SLC16A7: variants seen among roughly 807,000 people sequenced by gnomAD.
SLC16A7 encodes the protein solute carrier family 16 member 7.
In SLC16A7, 33 loss-of-function variants were observed where a neutral mutation model predicts 34.9. That is an observed-to-expected ratio of 0.94 (90% CI 0.72 to 1.26). The LOEUF is 1.26. Ranked by LOEUF, SLC16A7 falls within the 50% of genes most tolerant of loss-of-function variation. SLC16A7 has a pLI of 0.00. For missense variants in SLC16A7, 573 were observed against 578.1 expected (o/e 0.99, Z 0.09); for synonymous variants, 201 against 206.6 (o/e 0.97, Z 0.23).
chr12:59,756,425 C>T (rs1039206872), intron 3 of SLC16A7, among the ~76,000 whole-genome samples: 1 of 151,572 alleles, frequency 6.6e-6, no homozygotes, highest in African/African-American at 2.4e-5. Flanking sequence ...AAACAAACAA[C>T]CCCATCAAAA....
rs146693680 is a variant in SLC16A7, at chr12:59,692,469, G to T, written c.-30-12303G>T. On this transcript the variant is annotated intron_variant, in intron 2 of 5. Transcript: ENST00000547379. Reference sequence around the variant, plus strand: ...TGAAACCAGGTCAGCTGTGGAATTTGTCACTTGTGATGTCAAATAGGCACT... The same window carrying T: ...TGAAACCAGGTCAGCTGTGGAATTTTTCACTTGTGATGTCAAATAGGCACT... Among the ~76,000 whole-genome samples the T allele has an allele frequency of 1.4e-3, 208 of 152,062 alleles. 1 individual carries two copies. Among genetic ancestry groups the T allele is most frequent in the Middle Eastern group, 6.8e-3 (2 of 294 alleles).
rs751390723 is a variant in SLC16A7 at position 59,665,640 on chromosome 12, A to G, written c.-31+10390A>G. On this transcript the variant is annotated intron_variant, in intron 2 of 5. Transcript: ENST00000547379. ...GTCTTCACAGCTGGTGTCTAAAAAT[A>G]AAAATATTGTATACATTTACAGAGT... Among the ~76,000 whole-genome samples, 5 of 152,214 alleles carry G rather than the reference A, an allele frequency of 3.3e-5. No individual in the cohort carries two copies. The East Asian group carries it at 7.7e-4, about 23-fold the overall frequency.
intron 3 of SLC16A7, among the ~76,000 whole-genome samples, chr12:59,741,585 C>T (rs1423352113): frequency 6.6e-6 from 1 of 152,220 alleles, no homozygotes; most frequent in African/African-American, 2.4e-5. Flanking sequence ...CATGCTAATA[C>T]AGTCACCGTT....
chr12:59,653,666 A>G lies in SLC16A7; in HGVS notation c.-129-1486A>G, dbSNP rs553104341. On this transcript the variant is annotated intron_variant, in intron 1 of 5. Coordinates refer to ENST00000547379, the MANE Select transcript of SLC16A7 (RefSeq NM_001270623.2). Reference sequence around the variant, plus strand: ...TGTAAAATTCACAAGTTTTTGTGCAATTTTTACTAAATTACCATGTATATA... The same window carrying G: ...TGTAAAATTCACAAGTTTTTGTGCAGTTTTTACTAAATTACCATGTATATA... 3.3e-5 allele frequency among the ~76,000 whole-genome samples: 5 copies of G among 151,674 alleles called. No homozygotes were observed. The South Asian group carries it at 8.3e-4, about 25-fold the overall frequency.
intron 2 of SLC16A7, among the ~76,000 whole-genome samples, 188 bp downstream of exon 2, chr12:59,655,438 A>G (rs1314867484): frequency 1.3e-5 from 2 of 151,936 alleles, no homozygotes; most frequent in Non-Finnish European, 2.9e-5. Flanking sequence ...GATCCAATAT[A>G]CTGTGTGATC....
In SLC16A7 at chr12:59,676,637, C is replaced by G. The variant is rs11173112; in HGVS notation, c.-31+21387C>G. Among the ~76,000 whole-genome samples, 13 of 151,930 alleles carry G rather than the reference C, an allele frequency of 8.6e-5. No homozygotes were observed. In the South Asian group the frequency reaches 2.7e-3, roughly 32 times the overall value. On this transcript the variant is annotated intron_variant, in intron 2 of 5. Coordinates refer to ENST00000547379, the MANE Select transcript of SLC16A7 (RefSeq NM_001270623.2). Reference sequence around the variant, plus strand: ...CGCTTTTCTTTACTCCTCAATTACTCTAAGTTATTATAATGTTTAATTTTT... The same window carrying G: ...CGCTTTTCTTTACTCCTCAATTACTGTAAGTTATTATAATGTTTAATTTTT...
intron 3 of SLC16A7, among the ~76,000 whole-genome samples, chr12:59,706,542 A>G (rs538213352): frequency 2.0e-5 from 3 of 152,264 alleles, no homozygotes; most frequent in East Asian, 1.9e-4. Flanking sequence ...GGGCGTGTCA[A>G]TGGAAAATTC....
intron 3 of SLC16A7, among the ~76,000 whole-genome samples, chr12:59,730,016 G>A (rs1321293571): frequency 6.6e-6 from 1 of 152,088 alleles, no homozygotes; most frequent in Non-Finnish European, 1.5e-5. Context: ...ATAGTTCTGT[G>A]TCTACAAAGA....
chr12:59,642,729 A>G (rs192836602), intron 1 of SLC16A7, among the ~76,000 whole-genome samples: 4 of 152,188 alleles, frequency 2.6e-5, no homozygotes, highest in Non-Finnish European at 4.4e-5. Flanking sequence ...ATAAAAATTG[A>G]TTGAGGAAGA....
intron 3 of SLC16A7, among the ~76,000 whole-genome samples, chr12:59,737,519 A>G (rs1384559262): frequency 6.6e-6 from 1 of 152,236 alleles, no homozygotes; most frequent in Admixed American, 6.5e-5. Flanking sequence ...GCATTTGATT[A>G]CTAACAAAAT....
At position 59,704,768 on chromosome 12, in the gene SLC16A7, A is replaced by T; in HGVS notation, c.-30-4A>T. Reference sequence around the variant, plus strand: ...TAAACTGTTATTTCATTATTTTAATATAGGTTACTTGAATTTCCACTAGAG... The same window carrying T: ...TAAACTGTTATTTCATTATTTTAATTTAGGTTACTTGAATTTCCACTAGAG... On this transcript the variant is annotated splice_polypyrimidine_tract_variant and splice_region_variant and intron_variant, in intron 2 of 5. Coordinates refer to ENST00000547379, the MANE Select transcript of SLC16A7 (RefSeq NM_001270623.2). The T allele has an allele frequency of 7.1e-7, 1 of 1,416,108 alleles. No individual in the cohort carries two copies. Among genetic ancestry groups the T allele is most frequent in the Non-Finnish European group, 9.9e-7 (1 of 1,010,232 alleles). 87.7% of individuals were successfully genotyped at this position (1,416,108 alleles called of 1,614,324 possible). A position where few individuals can be genotyped will look rare whatever the true frequency, so the allele number is the denominator to read the frequency against.
intron 3 of SLC16A7, among the ~76,000 whole-genome samples, chr12:59,726,128 TTTAG>T (rs1876202678): frequency 6.6e-6 from 1 of 152,116 alleles, no homozygotes; most frequent in African/African-American, 2.4e-5. Context: ...TTAAAGCTAT[TTTAG>T]TTAAAGTGAT....
At chr12:59,701,548 A>C (rs1198331804) in intron 2 of SLC16A7, among the ~76,000 whole-genome samples, 4 of 151,596 alleles carry the variant, frequency 2.6e-5, no homozygotes, top group African/African-American at 9.7e-5. Context: ...AGGGTCTATA[A>C]GTTCAAATTA....
At chr12:59,613,895 G>A (rs1262165048) in intron 1 of SLC16A7, among the ~76,000 whole-genome samples, 1 of 152,104 alleles carries the variant, frequency 6.6e-6, no homozygotes, top group Non-Finnish European at 1.5e-5. Context: ...TTTCATAAAA[G>A]CAGAACTAGA....
chr12:59,772,359 G>A (rs1226856677), intron 4 of SLC16A7, among the ~76,000 whole-genome samples: 1 of 152,158 alleles, frequency 6.6e-6, no homozygotes, highest in Non-Finnish European at 1.5e-5. Context: ...TGAAGAGAGT[G>A]CCTTTTCTTT....
chr12:59,622,222 G>A (rs1345912712), intron 1 of SLC16A7, among the ~76,000 whole-genome samples: 1 of 151,862 alleles, frequency 6.6e-6, no homozygotes, highest in Admixed American at 6.6e-5. Flanking sequence ...CTTATATGTT[G>A]CTGGGCTTCT....
rs895494048 is a variant in SLC16A7, at chr12:59,779,406, T to C, written c.1181-17T>C. ...TGTTTTATTATGCCAACTTAAAAGA[T>C]GTTCTTTGTCTTCTAGGTAAATTGG... On this transcript the variant is annotated splice_polypyrimidine_tract_variant and intron_variant, in intron 5 of 5. Transcript: ENST00000547379. 1.3e-6 allele frequency: 2 copies of C among 1,549,826 alleles called. No homozygotes were observed. Among genetic ancestry groups the C allele is most frequent in the Admixed American group, 3.9e-5 (2 of 51,276 alleles).
intron 1 of SLC16A7, among the ~76,000 whole-genome samples, chr12:59,613,408 A>G (rs1036993563): frequency 6.6e-6 from 1 of 152,214 alleles, no homozygotes; most frequent in African/African-American, 2.4e-5. Flanking sequence ...CAACCAAATT[A>G]TATCACCTCC....
At position 59,787,284 on chromosome 12, in the gene SLC16A7, A is replaced by G. The variant is rs1037296688; in HGVS notation, c.*7605A>G. On this transcript the variant is annotated 3_prime_UTR_variant, in exon 6 of 6. Transcript: ENST00000547379. ...GCATAGTCTTGAGGAGAACACCTCT[A>G]CAGTATTTCTTGATCTAAGAACCTG... The G allele has an allele frequency of 2.6e-5, 4 of 152,234 alleles. No homozygotes were observed. The highest frequency in any genetic ancestry group is 9.6e-5 in the African/African-American group (4 of 41,456). The allele number at this position is 152,234 out of a possible 1,614,324, so 9.4% of individuals were successfully genotyped here. A position where few individuals can be genotyped will look rare whatever the true frequency, so the allele number is the denominator to read the frequency against.
Sources: allele counts gnomAD v4.1 joint callset (sites outside exome capture counted in the v4.1 genomes callset), GRCh38; gene constraint gnomAD v4.1.1; transcripts MANE v1.5; gene names NCBI Gene and HGNC (gene_info 2026-07-23, HGNC 2026-07-21).